Variants in PREX1 observed in about 807,000 individuals in gnomAD.
The protein encoded by PREX1 is phosphatidylinositol-3,4,5-trisphosphate dependent Rac exchange factor 1.
A neutral mutation model predicts 198.3 loss-of-function variants in PREX1; 41 were observed. The observed-to-expected ratio is 0.21, with a 90% CI of 0.16 to 0.27. The LOEUF (loss-of-function observed/expected upper bound fraction) is 0.27, where lower values mean the gene tolerates loss of function less well. Among genes scored for constraint, PREX1 ranks in the 10% least tolerant of loss-of-function variants. The pLI is 1.00. For synonymous variants in PREX1, 843 were observed against 887.2 expected (o/e 0.95, Z 0.89); for missense variants, 1,620 against 2,200.7 (o/e 0.74, Z 5.28).
chr20:48,748,868 A>C (rs192325731), intron 1 of PREX1, among the ~76,000 whole-genome samples: 1 of 152,232 alleles, frequency 6.6e-6, no homozygotes, highest in East Asian at 1.9e-4. Flanking sequence ...ATTTTTTTTC[A>C]AAAGAAAAGT....
intron 1 of PREX1, among the ~76,000 whole-genome samples, chr20:48,816,718 C>G (rs150380294): frequency 1.3e-4 from 20 of 152,236 alleles, no homozygotes; most frequent in Non-Finnish European, 2.8e-4. Flanking sequence ...CCACAATGCA[C>G]GCAACTAAAT....
At chr20:48,671,580 T>C (rs984797512) in intron 14 of PREX1, among the ~76,000 whole-genome samples, 8 of 152,048 alleles carry the variant, frequency 5.3e-5, no homozygotes, top group African/African-American at 1.9e-4. Flanking sequence ...TAACCTAGAG[T>C]TAGAAATGAA....
At chr20:48,650,550 G>A (rs1222494877) in intron 23 of PREX1, among the ~76,000 whole-genome samples, 1 of 152,222 alleles carries the variant, frequency 6.6e-6, no homozygotes, top group African/African-American at 2.4e-5. Flanking sequence ...ACCAGGTGAG[G>A]CAAGTGACCT....
At chr20:48,722,403 G>T (rs1275332471) in intron 5 of PREX1, among the ~76,000 whole-genome samples, 1 of 152,196 alleles carries the variant, frequency 6.6e-6, no homozygotes, top group Non-Finnish European at 1.5e-5. Context: ...ATCCAGAATA[G>T]GTGAACTGAC....
the PREX1 span, among the ~76,000 whole-genome samples, chr20:48,847,194 G>T: frequency 0.1 from 15,255 of 151,966 alleles, 874 homozygotes; most frequent in Middle Eastern, 0.16. Flanking sequence ...CAGAGAATAG[G>T]AAAGCACCCT....
intron 25 of PREX1, among the ~76,000 whole-genome samples, chr20:48,647,649 G>A (rs967789848): frequency 4.0e-5 from 6 of 151,768 alleles, no homozygotes; most frequent in Admixed American, 6.6e-5. Flanking sequence ...TTTGACAAAC[G>A]AGGAAACCAA....
intron 1 of PREX1, among the ~76,000 whole-genome samples, chr20:48,788,803 C>T (rs1328570399): frequency 6.6e-6 from 1 of 152,122 alleles, no homozygotes; most frequent in South Asian, 2.1e-4. Flanking sequence ...CACGGATTAA[C>T]GGGCTAATGG....
chr20:48,824,285 G>T (rs964216205), intron 1 of PREX1, among the ~76,000 whole-genome samples: 1 of 152,166 alleles, frequency 6.6e-6, no homozygotes, highest in Non-Finnish European at 1.5e-5. Flanking sequence ...CCCAGTTCCT[G>T]AAGGAGATGG....
intron 13 of PREX1, among the ~76,000 whole-genome samples, chr20:48,678,365 G>A (rs1232272452): frequency 6.6e-6 from 1 of 152,024 alleles, no homozygotes; most frequent in Admixed American, 6.6e-5. Context: ...CAGCTACCTA[G>A]GAGGCTCAGG....
intron 3 of PREX1, among the ~76,000 whole-genome samples, chr20:48,740,008 T>A (rs2090073976): frequency 6.6e-6 from 1 of 152,098 alleles, no homozygotes; most frequent in Non-Finnish European, 1.5e-5. Flanking sequence ...AGTTAGTGGT[T>A]GGGTTTTGGG....
chr20:48,634,723 T>C lies in PREX1; in HGVS notation c.4220A>G (p.Asp1407Gly). ...EDIWVTLSEL[D>G]NVTFSFKQLD... is the part of the protein sequence containing the mutation. ...CTGCTTAAAGGAGAAGGTGACATTG[T>C]CCAGCTCTGACAGCGTCACCCAGAT... Residue 1407 changes from aspartate (D) to glycine (G), a missense_variant, in exon 33 of 40, where the codon GAC (aspartate) becomes GGC (glycine). Asp to Gly is a moderately conservative substitution (Grantham distance 94, BLOSUM62 -1). Around this residue, in one of 7 missense-constraint regions of PREX1, gnomAD observed 476 missense variants for 603.4 expected, o/e 0.79. Coordinates refer to ENST00000371941, the MANE Select transcript of PREX1 (RefSeq NM_020820.4). 1 of 1,614,218 alleles carries C rather than the reference T, an allele frequency of 6.2e-7. No individual in the cohort carries two copies. Among genetic ancestry groups the C allele is most frequent in the Non-Finnish European group, 8.5e-7 (1 of 1,180,032 alleles).
chr20:48,820,193 T>TA (rs2090478424), intron 1 of PREX1, among the ~76,000 whole-genome samples: 1 of 150,374 alleles, frequency 6.7e-6, no homozygotes, highest in African/African-American at 2.5e-5. Context: ...GCCAAGAAAA[T>TA]AAAAATAAGC....
At chr20:48,840,729 G>A in the PREX1 span, among the ~76,000 whole-genome samples, 1 of 152,190 alleles carries the variant, frequency 6.6e-6, no homozygotes, top group Non-Finnish European at 1.5e-5. Flanking sequence ...CTTTAAGGCT[G>A]GCCTTCTAAG....
chr20:48,640,829 G>T (rs2089403909), intron 29 of PREX1, among the ~76,000 whole-genome samples: 1 of 141,508 alleles, frequency 7.1e-6, no homozygotes, highest in Admixed American at 7.6e-5. Context: ...ATGGATGGAT[G>T]GACAGACAAG....
chr20:48,693,085 T>C (rs1445240962), intron 7 of PREX1, among the ~76,000 whole-genome samples: 1 of 152,194 alleles, frequency 6.6e-6, no homozygotes, highest in Non-Finnish European at 1.5e-5. Context: ...CAGAAACCCA[T>C]TCTTCTTGGC....
the PREX1 span, among the ~76,000 whole-genome samples, chr20:48,839,650 G>A: frequency 7.9e-5 from 12 of 152,284 alleles, no homozygotes; most frequent in African/African-American, 2.6e-4. Context: ...TCGAGGCTGC[G>A]GACTACATTT....
rs1175895017 is a variant in PREX1 at position 48,653,405 on chromosome 20, G to A, written c.2302C>T (p.Leu768=). The A allele has an allele frequency of 7.4e-6, 12 of 1,613,896 alleles. No homozygotes were observed. The African/African-American group carries it at 1.6e-4, about 22-fold the overall frequency. The change falls in exon 20 of 40, where the codon CTG becomes TTG. Residue 768 remains leucine (L), a synonymous_variant. Coordinates refer to ENST00000371941, the MANE Select transcript of PREX1 (RefSeq NM_020820.4). ...NVMNDGAPEV[L]EHFQAFRSRR... ...CTCCGGAATGCCTGGAAGTGCTCCA[G>A]GACCTCAGGGGCACCATCGTTCATC...
chr20:48,696,314 C>A (rs1472844482), intron 7 of PREX1, among the ~76,000 whole-genome samples: 1 of 152,206 alleles, frequency 6.6e-6, no homozygotes, highest in Non-Finnish European at 1.5e-5. Flanking sequence ...TTTTCCCCCA[C>A]TGGATATCAA....
intron 4 of PREX1, among the ~76,000 whole-genome samples, chr20:48,729,989 T>C (rs1187695883): frequency 1.3e-5 from 2 of 151,946 alleles, no homozygotes; most frequent in Non-Finnish European, 2.9e-5. Context: ...GAGGCAGAGA[T>C]TGGAGCAATG....
Sources: allele counts gnomAD v4.1 joint callset (sites outside exome capture counted in the v4.1 genomes callset), GRCh38; gene constraint gnomAD v4.1.1; regional missense constraint gnomAD v4.1.1; transcripts MANE v1.5; gene names NCBI Gene and HGNC (gene_info 2026-07-23, HGNC 2026-07-21).